The following TENM4 variants were observed in gnomAD, a reference collection of about 807,000 sequenced individuals.
TENM4 encodes the protein teneurin transmembrane protein 4, also known as teneurin-4.
In TENM4, 82 loss-of-function variants were observed where a neutral mutation model predicts 243.3. The ratio of observed to expected loss-of-function variants is 0.34; its 90% CI spans 0.28 to 0.40. The LOEUF (loss-of-function observed/expected upper bound fraction) is 0.40, where lower values mean the gene tolerates loss of function less well. Among genes scored for constraint, TENM4 ranks in the 10% least tolerant of loss-of-function variants. The pLI, the probability that TENM4 is intolerant of heterozygous loss-of-function variation, is 1.00. For synonymous variants in TENM4, 1,412 were observed against 1,456.3 expected (o/e 0.97, Z 0.69); for missense variants, 3,138 against 3,673.3 (o/e 0.85, Z 3.77).
chr11:78,965,529 G>A (rs1481916913), intron 6 of TENM4, among the ~76,000 whole-genome samples: 1 of 152,200 alleles, frequency 6.6e-6, no homozygotes, highest in Non-Finnish European at 1.5e-5. Context: ...ATGATATGTT[G>A]TTTCAGGGTG....
chr11:78,939,882 C>T (rs1037303085), intron 6 of TENM4, among the ~76,000 whole-genome samples: 13 of 152,222 alleles, frequency 8.5e-5, no homozygotes, highest in Non-Finnish European at 1.8e-4. Context: ...CTCTTATCCC[C>T]AGCACCTAGC....
chr11:79,363,020 G>C (rs944421783), intron 1 of TENM4, among the ~76,000 whole-genome samples: 9 of 152,326 alleles, frequency 5.9e-5, no homozygotes, highest in African/African-American at 2.2e-4. Context: ...ATGACAAGCA[G>C]ATCATTGGAC....
intron 6 of TENM4, among the ~76,000 whole-genome samples, chr11:79,027,516 A>T (rs1471455612): frequency 6.6e-6 from 1 of 152,196 alleles, no homozygotes; most frequent in Non-Finnish European, 1.5e-5. Flanking sequence ...ATCCTTTGTC[A>T]CTGTGCCAGA....
intron 1 of TENM4, among the ~76,000 whole-genome samples, chr11:79,380,341 A>G (rs1448159485): frequency 2.0e-5 from 3 of 151,682 alleles, no homozygotes; most frequent in African/African-American, 7.3e-5. Context: ...AAGAGAATGA[A>G]TGACAACACA....
chr11:79,291,217 C>T (rs1217240865), intron 2 of TENM4, among the ~76,000 whole-genome samples: 4 of 152,040 alleles, frequency 2.6e-5, no homozygotes, highest in Non-Finnish European at 4.4e-5. Context: ...GCACAGAAAA[C>T]CCTTCTCAAA....
At chr11:78,736,011 G>C (rs1855783346) in intron 20 of TENM4, among the ~76,000 whole-genome samples, 1 of 151,708 alleles carries the variant, frequency 6.6e-6, no homozygotes, top group Admixed American at 6.6e-5. Flanking sequence ...GAGTACAGTG[G>C]GGCAATCATG....
intron 10 of TENM4, among the ~76,000 whole-genome samples, chr11:78,859,130 C>T (rs187176308): frequency 4.6e-4 from 70 of 152,120 alleles, no homozygotes; most frequent in African/African-American, 1.7e-3. Flanking sequence ...ATTCACAGCC[C>T]CAGCAGGCTA....
intron 1 of TENM4, among the ~76,000 whole-genome samples, chr11:79,400,449 T>C (rs1377833550): frequency 2.0e-5 from 3 of 152,146 alleles, no homozygotes; most frequent in Non-Finnish European, 4.4e-5. Context: ...AACTCCTCTA[T>C]GCTGGCACAT....
chr11:79,224,138 A>G (rs1363191571), intron 2 of TENM4, among the ~76,000 whole-genome samples: 1 of 152,186 alleles, frequency 6.6e-6, no homozygotes, highest in Non-Finnish European at 1.5e-5. Context: ...AGTGTAAGAC[A>G]GGATGAACTC....
chr11:79,247,327 G>A (rs1468477693), intron 2 of TENM4, among the ~76,000 whole-genome samples: 5 of 149,436 alleles, frequency 3.3e-5, no homozygotes, highest in African/African-American at 1.2e-4. Flanking sequence ...TGAGGCAGGA[G>A]AATCGCTTGA....
At chr11:79,323,520 C>T (rs1856925011) in intron 1 of TENM4, among the ~76,000 whole-genome samples, 1 of 152,204 alleles carries the variant, frequency 6.6e-6, no homozygotes, top group African/African-American at 2.4e-5. Flanking sequence ...GTCAAGACTT[C>T]TCAAGGACTG....
intron 4 of TENM4, among the ~76,000 whole-genome samples, chr11:79,120,200 T>TA (rs1555012291): frequency 1.3e-5 from 2 of 152,190 alleles, no homozygotes; most frequent in Non-Finnish European, 2.9e-5. Context: ...AATGACCTTA[T>TA]AAACCAACAG....
intron 6 of TENM4, among the ~76,000 whole-genome samples, chr11:79,057,639 T>A (rs187118038): frequency 6.6e-5 from 10 of 152,316 alleles, no homozygotes; most frequent in African/African-American, 2.4e-4. Context: ...CTAGAATGTA[T>A]CTCCATGAGA....
chr11:78,882,246 G>A (rs192579581), intron 9 of TENM4, among the ~76,000 whole-genome samples: 1 of 152,318 alleles, frequency 6.6e-6, no homozygotes, highest in Non-Finnish European at 1.5e-5. Context: ...AAATGAATGG[G>A]TGTTGGGGGG....
At chr11:79,410,585 G>A (rs1346732984) in intron 1 of TENM4, among the ~76,000 whole-genome samples, 1 of 152,134 alleles carries the variant, frequency 6.6e-6, no homozygotes, top group Non-Finnish European at 1.5e-5. Flanking sequence ...ATATAGTCCT[G>A]TCCTAACACA....
intron 6 of TENM4, among the ~76,000 whole-genome samples, chr11:78,943,896 CT>C (rs1349355616): frequency 1.3e-5 from 2 of 152,154 alleles, no homozygotes; most frequent in Admixed American, 1.3e-4. Context: ...TGGGTATAGC[CT>C]TTTGGGAAAA....
intron 3 of TENM4, among the ~76,000 whole-genome samples, chr11:79,203,188 T>C (rs1863781301): frequency 6.6e-6 from 1 of 152,200 alleles, no homozygotes; most frequent in Non-Finnish European, 1.5e-5. Context: ...AAATGTGAAA[T>C]GCCACAGCCT....
chr11:78,698,529 A>C (rs1254383425), intron 28 of TENM4, among the ~76,000 whole-genome samples: 2 of 152,210 alleles, frequency 1.3e-5, no homozygotes, highest in African/African-American at 4.8e-5. Flanking sequence ...TTCGGTTATA[A>C]TCTACTAAAC....
At chr11:79,222,476 T>C (rs1864181305) in intron 2 of TENM4, among the ~76,000 whole-genome samples, 1 of 152,244 alleles carries the variant, frequency 6.6e-6, no homozygotes, top group Non-Finnish European at 1.5e-5. Flanking sequence ...TATGTGTGCA[T>C]GTATCTTTAT....
Sources: gnomAD v4.1 joint callset for allele counts (sites outside exome capture counted in the v4.1 genomes callset) on GRCh38, gnomAD v4.1.1 for gene constraint, MANE v1.5 for transcripts, NCBI Gene and HGNC (gene_info 2026-07-23, HGNC 2026-07-21) for gene names.